NYAP2: variants seen among roughly 807,000 people sequenced by gnomAD.
The protein encoded by NYAP2 is neuronal tyrosine-phosphorylated phosphoinositide-3-kinase adaptor 2, also known as neuronal tyrosine-phosphorylated phosphoinositide-3-kinase adapter 2.
Under a neutral mutation model 50.4 loss-of-function variants are expected in NYAP2, and 23 were observed. The ratio of observed to expected loss-of-function variants is 0.46; its 90% CI spans 0.33 to 0.65. The LOEUF is 0.65. Among genes scored for constraint, NYAP2 ranks in the 30% least tolerant of loss-of-function variants. The pLI, the probability that NYAP2 is intolerant of heterozygous loss-of-function variation, is 0.02. For missense variants in NYAP2, 885 were observed against 861.0 expected (o/e 1.03, Z -0.35); for synonymous variants, 394 against 365.2 (o/e 1.08, Z -0.90).
chr2:225,511,240 A>G (rs991476860), intron 3 of NYAP2, among the ~76,000 whole-genome samples: 3 of 151,354 alleles, frequency 2.0e-5, no homozygotes, highest in African/African-American at 7.3e-5. Flanking sequence ...CACGTCCACT[A>G]TCCCATCCTT....
the NYAP2 span, chr2:225,699,827 A>G: frequency 6.6e-6 from 1 of 151,904 alleles, no homozygotes; most frequent in Non-Finnish European, 1.5e-5. Flanking sequence ...TAAAAAAATC[A>G]TATATATCTT....
exon 6 of NYAP2, chr2:225,626,919 T>C (rs762138893): frequency 6.4e-7 from 1 of 1,567,740 alleles, no homozygotes. Flanking sequence ...CTACACAGAA[T>C]CAACAGAGGA....
chr2:225,477,746 TACAC>T (rs1321744352), intron 3 of NYAP2, among the ~76,000 whole-genome samples: 5 of 152,156 alleles, frequency 3.3e-5, no homozygotes, highest in South Asian at 4.1e-4. Context: ...CACACATAGA[TACAC>T]ACGCACATAT....
At chr2:225,664,271 G>T in the NYAP2 span, among the ~76,000 whole-genome samples, 1 of 152,180 alleles carries the variant, frequency 6.6e-6, no homozygotes, top group Non-Finnish European at 1.5e-5. Flanking sequence ...TTTCCAAGGA[G>T]CATGTATGGA....
At chr2:225,620,479 GCACGCACGCA>G (rs1693079408) in intron 5 of NYAP2, among the ~76,000 whole-genome samples, 1 of 144,034 alleles carries the variant, frequency 6.9e-6, no homozygotes, top group African/African-American at 2.7e-5. Context: ...ACACGCACAC[GCACGCACGCA>G]CACACACGCA....
chr2:225,518,986 G>A (rs1049995523), intron 4 of NYAP2, among the ~76,000 whole-genome samples: 6 of 151,894 alleles, frequency 4.0e-5, no homozygotes, highest in East Asian at 3.9e-4. Flanking sequence ...CTACTGAATC[G>A]AAGCCTGGGC....
intron 4 of NYAP2, among the ~76,000 whole-genome samples, chr2:225,579,046 G>A (rs1259664919): frequency 3.3e-5 from 5 of 151,852 alleles, no homozygotes; most frequent in African/African-American, 7.2e-5. Context: ...GCACACACAC[G>A]CGCGTGCACA....
At chr2:225,574,750 A>T (rs768370891) in intron 4 of NYAP2, among the ~76,000 whole-genome samples, 6 of 152,194 alleles carry the variant, frequency 3.9e-5, no homozygotes, top group Non-Finnish European at 8.8e-5. Flanking sequence ...GGCTATGGTC[A>T]GTGCATTGTG....
At chr2:225,665,804 G>A in the NYAP2 span, among the ~76,000 whole-genome samples, 98 of 9,384 alleles carry the variant, frequency 0.01, 1 homozygote, top group Non-Finnish European at 0.027. Flanking sequence ...GCAAGCCTCC[G>A]TCTAAAAAAA....
At chr2:225,527,769 T>C (rs1037126175) in intron 4 of NYAP2, among the ~76,000 whole-genome samples, 5 of 152,140 alleles carry the variant, frequency 3.3e-5, no homozygotes, top group African/African-American at 1.2e-4. Context: ...CACCTCAGCC[T>C]CTCAAGTAGC....
intron 5 of NYAP2, among the ~76,000 whole-genome samples, chr2:225,588,793 C>A (rs1574696083): frequency 1.3e-5 from 2 of 152,200 alleles, no homozygotes; most frequent in East Asian, 1.9e-4. Context: ...GCAAGTTGAC[C>A]CGAACAGGGG....
chr2:225,649,970 A>G (rs1693701887), intron 6 of NYAP2, among the ~76,000 whole-genome samples: 1 of 152,228 alleles, frequency 6.6e-6, no homozygotes. Flanking sequence ...GTACAGAGAA[A>G]ACACTATTTT....
the NYAP2 span, among the ~76,000 whole-genome samples, chr2:225,667,096 A>C: frequency 6.6e-6 from 1 of 152,150 alleles, no homozygotes; most frequent in Non-Finnish European, 1.5e-5. Flanking sequence ...AGCTAAAAAA[A>C]TCAGAGCTTA....
intron 5 of NYAP2, among the ~76,000 whole-genome samples, chr2:225,586,868 T>A (rs1385518181): frequency 6.6e-6 from 1 of 152,218 alleles, no homozygotes; most frequent in Non-Finnish European, 1.5e-5. Flanking sequence ...ATTTTCACTC[T>A]GCTACAAAGA....
chr2:225,417,955 A>T (rs545090529), intron 3 of NYAP2, among the ~76,000 whole-genome samples: 103 of 152,136 alleles, frequency 6.8e-4, no homozygotes, highest in Non-Finnish European at 1.4e-3. Flanking sequence ...AGGCAGACAA[A>T]AAAAGAAACA....
At chr2:225,516,260 A>G (rs1236724640) in intron 4 of NYAP2, among the ~76,000 whole-genome samples, 2 of 152,176 alleles carry the variant, frequency 1.3e-5, no homozygotes, top group Admixed American at 1.3e-4. Context: ...GTGGGCTCCC[A>G]ATGGCTACTT....
rs1691806325 is a variant in NYAP2 at position 225,557,887 on chromosome 2, T to C, written c.524-24054T>C. Among the ~76,000 whole-genome samples, 3 of 152,196 alleles carry C rather than the reference T, an allele frequency of 2.0e-5. No homozygotes were observed. The South Asian group carries it at 6.2e-4, about 32-fold the overall frequency. ...GTGGAATCACATTGTTTGGAGGGCCTTTATGTTTCTAACAAAGCTACAATT... is the reference window on the plus strand; with the variant it reads ...GTGGAATCACATTGTTTGGAGGGCCCTTATGTTTCTAACAAAGCTACAATT... On this transcript the variant is annotated intron_variant, in intron 4 of 6. Coordinates refer to ENST00000636099, the Ensembl canonical transcript of NYAP2.
chr2:225,445,140 A>G lies in NYAP2; in HGVS notation c.221+36039A>G, dbSNP rs191188877. 1.7e-3 allele frequency among the ~76,000 whole-genome samples: 260 copies of G among 152,314 alleles called. 1 individual carries two copies. Among genetic ancestry groups the G allele is most frequent in the Admixed American group, 0.015 (236 of 15,302 alleles). ...TTAAAAACATGTTTGGGTTACTCAT[A>G]TAATCAGAAGATGTTTCAACTGCTC... is the stretch of plus-strand genomic sequence containing the variant. On this transcript the variant is annotated intron_variant, in intron 3 of 6. Coordinates refer to ENST00000636099, the Ensembl canonical transcript of NYAP2.
chr2:225,568,642 CA>C (rs1012439208), intron 4 of NYAP2, among the ~76,000 whole-genome samples: 1 of 152,082 alleles, frequency 6.6e-6, no homozygotes, highest in African/African-American at 2.4e-5. Flanking sequence ...TCAAGACAGA[CA>C]AGGAACCATT....
Sources: allele counts gnomAD v4.1 joint callset (sites outside exome capture counted in the v4.1 genomes callset), GRCh38; gene constraint gnomAD v4.1.1; transcripts MANE v1.5; gene names NCBI Gene and HGNC (gene_info 2026-07-23, HGNC 2026-07-21).